The following CNTN1 variants were observed in gnomAD, a reference collection of about 807,000 sequenced individuals.
CNTN1 encodes contactin-1.
A neutral mutation model predicts 126.4 loss-of-function variants in CNTN1; 38 were observed. The ratio of observed to expected loss-of-function variants is 0.30; its 90% CI spans 0.23 to 0.39. The LOEUF (loss-of-function observed/expected upper bound fraction) is 0.39. CNTN1 is among the 10% of genes least tolerant of loss of function. The pLI is 1.00. For missense variants in CNTN1, 1,009 were observed against 1,248.4 expected (o/e 0.81, Z 2.89); for synonymous variants, 413 against 422.6 (o/e 0.98, Z 0.28).
intron 14 of CNTN1, among the ~76,000 whole-genome samples, chr12:40,956,596 A>C (rs934892262): frequency 6.6e-6 from 1 of 152,042 alleles, no homozygotes; most frequent in Non-Finnish European, 1.5e-5. Flanking sequence ...CAGAGACTGA[A>C]GAGAACAAGA....
chr12:40,906,589 T>A (rs936752683), intron 1 of CNTN1, among the ~76,000 whole-genome samples: 36 of 152,098 alleles, frequency 2.4e-4, no homozygotes, highest in African/African-American at 7.0e-4. Context: ...GATTTTAATG[T>A]TGCTGTTTTA....
Position 40,924,584 on chromosome 12 carries a change from G to A in CNTN1, c.428G>A (p.Arg143His), listed in dbSNP as rs758820625. ...CTTGATCCTTTCCCACCTGAGGAAC[G>A]TCCTGAGGTCAGAGTAAAAGAAGGG... ...GYLDPFPPEE[R>H]PEVRVKEGKG... The change falls in exon 6 of 24, where the codon CGT (arginine) becomes CAT (histidine). Residue 143 changes from arginine (R) to histidine (H), a missense_variant. Arg to His is a conservative substitution (Grantham distance 29). Coordinates refer to ENST00000551295, the MANE Select transcript of CNTN1 (RefSeq NM_001843.4). The A allele has an allele frequency of 5.6e-6, 9 of 1,601,124 alleles. No individual in the cohort carries two copies. The highest frequency in any genetic ancestry group is 1.3e-5 in the African/African-American group (1 of 74,434).
chr12:40,693,129 A>G (rs1334954221), intron 1 of CNTN1, among the ~76,000 whole-genome samples: 2 of 152,130 alleles, frequency 1.3e-5, no homozygotes, highest in Admixed American at 6.5e-5. Flanking sequence ...GTTAAGATCT[A>G]GCTCCCTTCA....
chr12:40,831,266 G>A (rs1165264023), intron 1 of CNTN1, among the ~76,000 whole-genome samples: 1 of 150,698 alleles, frequency 6.6e-6, no homozygotes, highest in Non-Finnish European at 1.5e-5. Flanking sequence ...GATTACTTAT[G>A]GATGATTAGG....
chr12:40,850,357 A>G (rs1344843416), intron 1 of CNTN1, among the ~76,000 whole-genome samples: 3 of 152,146 alleles, frequency 2.0e-5, no homozygotes, highest in Non-Finnish European at 4.4e-5. Context: ...TCAGATATGA[A>G]TTTGAATTGA....
intron 19 of CNTN1, among the ~76,000 whole-genome samples, chr12:41,018,843 C>G (rs1291005002): frequency 6.6e-6 from 1 of 151,942 alleles, no homozygotes; most frequent in African/African-American, 2.4e-5. Flanking sequence ...ATTCTCTATG[C>G]TTGTGCTCAT....
chr12:40,914,524 T>G (rs368144589), intron 3 of CNTN1, among the ~76,000 whole-genome samples: 2 of 152,278 alleles, frequency 1.3e-5, no homozygotes, highest in South Asian at 4.2e-4. Flanking sequence ...CTTGAAAAGT[T>G]TAGAAAGCAA....
chr12:40,966,706 T>G lies in CNTN1; in HGVS notation c.1804+7472T>G, dbSNP rs562257044. Among the ~76,000 whole-genome samples, 13 of 152,266 alleles carry G rather than the reference T, an allele frequency of 8.5e-5. 1 individual carries two copies. In the South Asian group the frequency reaches 2.7e-3, roughly 32 times the overall value. ...GCGTAAATTGAGGTACACTCAAGAA[T>G]TTTTTCAAATATGGCCACAAAATAG... On this transcript the variant is annotated intron_variant, in intron 15 of 23. Coordinates refer to ENST00000551295, the MANE Select transcript of CNTN1 (RefSeq NM_001843.4).
intron 17 of CNTN1, among the ~76,000 whole-genome samples, chr12:41,001,877 C>T (rs180855336): frequency 5.0e-4 from 76 of 152,246 alleles, no homozygotes; most frequent in Middle Eastern, 6.8e-3. Context: ...TTATTGAATA[C>T]GGTGTCCTAT....
chr12:40,996,609 G>A (rs1043416092), intron 17 of CNTN1, among the ~76,000 whole-genome samples: 11 of 152,010 alleles, frequency 7.2e-5, no homozygotes, highest in African/African-American at 2.4e-4. Flanking sequence ...AAGAAAATAT[G>A]GTCTCCTGTC....
At chr12:40,942,656 TTC>T (rs1160236758) in intron 12 of CNTN1, among the ~76,000 whole-genome samples, 5 of 152,102 alleles carry the variant, frequency 3.3e-5, no homozygotes, top group Non-Finnish European at 7.4e-5. Context: ...GAGTGGCATA[TTC>T]TCAGAGCTTC....
intron 17 of CNTN1, among the ~76,000 whole-genome samples, chr12:41,001,515 T>C (rs535045030): frequency 1.3e-5 from 2 of 152,332 alleles, no homozygotes; most frequent in Admixed American, 6.5e-5. Context: ...GTCAGATGAT[T>C]AGTTTGCAAA....
At chr12:40,922,506 G>C in intron 5 of CNTN1, 78 bp downstream of exon 5, 1 of 1,339,078 alleles carries the variant, frequency 7.5e-7, no homozygotes, top group South Asian at 1.2e-5. Flanking sequence ...GGAAAGGATA[G>C]TGAGAGGAAG....
At chr12:40,901,083 T>G (rs1453024011) in intron 1 of CNTN1, among the ~76,000 whole-genome samples, 1 of 152,220 alleles carries the variant, frequency 6.6e-6, no homozygotes, top group African/African-American at 2.4e-5. Context: ...CACTAACTTG[T>G]ACATTTTCGT....
At chr12:41,059,461 G>A (rs559216668) in intron 23 of CNTN1, among the ~76,000 whole-genome samples, 2 of 152,176 alleles carry the variant, frequency 1.3e-5, no homozygotes, top group South Asian at 2.1e-4. Context: ...TAAGGAAGGC[G>A]GCATCACTGC....
intron 15 of CNTN1, among the ~76,000 whole-genome samples, chr12:40,971,123 T>C (rs562738604): frequency 3.3e-5 from 5 of 152,212 alleles, no homozygotes; most frequent in Non-Finnish European, 7.3e-5. Context: ...CTCTGTGGAA[T>C]GAAATTTACA....
chr12:40,718,553 G>A (rs1942108699), intron 1 of CNTN1, among the ~76,000 whole-genome samples: 1 of 152,128 alleles, frequency 6.6e-6, no homozygotes, highest in Non-Finnish European at 1.5e-5. Context: ...AGTGAATTCA[G>A]TCATGCTGGT....
chr12:41,041,351 A>G (rs1470579587), intron 23 of CNTN1, among the ~76,000 whole-genome samples: 1 of 152,200 alleles, frequency 6.6e-6, no homozygotes, highest in African/African-American at 2.4e-5. Flanking sequence ...ATCAATGTTC[A>G]TCAAGGATAT....
At chr12:40,701,232 A>G (rs1484209745) in intron 1 of CNTN1, among the ~76,000 whole-genome samples, 2 of 152,188 alleles carry the variant, frequency 1.3e-5, no homozygotes, top group African/African-American at 2.4e-5. Flanking sequence ...TATCTTATTG[A>G]TATCTTTCAC....
Sources: gnomAD v4.1 joint callset for allele counts (sites outside exome capture counted in the v4.1 genomes callset) on GRCh38, gnomAD v4.1.1 for gene constraint, MANE v1.5 for transcripts, NCBI Gene and HGNC (gene_info 2026-07-23, HGNC 2026-07-21) for gene names.